The following DIP2C variants were observed in gnomAD, a reference collection of about 807,000 sequenced individuals.
The protein encoded by DIP2C is disco-interacting protein 2 homolog C.
DIP2C carries 33 observed loss-of-function variants against 192.4 expected under a neutral mutation model. That is an observed-to-expected ratio of 0.17 (90% CI 0.13 to 0.23). The LOEUF is 0.23. Among genes scored for constraint, DIP2C ranks in the 10% least tolerant of loss-of-function variants. The pLI is 1.00. For missense variants in DIP2C, 1,537 were observed against 2,110.1 expected, an observed-to-expected ratio of 0.73 and a Z score of 5.32; for synonymous variants, 979 against 864.1, an observed-to-expected ratio of 1.13 and a Z score of -2.33.
At chr10:371,827 T>C (rs543970701) in intron 17 of DIP2C, among the ~76,000 whole-genome samples, 1 of 152,326 alleles carries the variant, frequency 6.6e-6, no homozygotes, top group African/African-American at 2.4e-5. Context: ...CCTCCAGAAG[T>C]GAGACAAGTT....
chr10:292,042 G>T (rs1010242359), intron 32 of DIP2C, among the ~76,000 whole-genome samples: 1 of 152,262 alleles, frequency 6.6e-6, no homozygotes, highest in Non-Finnish European at 1.5e-5. Flanking sequence ...TCTTCCAAGA[G>T]CCATTGTGCC....
intron 1 of DIP2C, chr10:668,778 G>A: frequency 6.6e-6 from 1 of 152,232 alleles, no homozygotes; most frequent in East Asian, 1.9e-4. Context: ...ATCCAAACTG[G>A]TAACATGTCC....
intron 1 of DIP2C, among the ~76,000 whole-genome samples, chr10:606,427 C>T (rs569073646): frequency 2.6e-4 from 39 of 151,900 alleles, no homozygotes; most frequent in African/African-American, 8.9e-4. Flanking sequence ...GATCCGAATT[C>T]TCATTGGTTG....
intron 1 of DIP2C, among the ~76,000 whole-genome samples, chr10:617,726 C>T (rs1190283646): frequency 1.3e-5 from 2 of 151,236 alleles, no homozygotes; most frequent in African/African-American, 4.9e-5. Flanking sequence ...AAACCACCCT[C>T]AAGGGCGCTC....
At chr10:367,162 A>G (rs1960340149) in intron 18 of DIP2C, among the ~76,000 whole-genome samples, 1 of 152,214 alleles carries the variant, frequency 6.6e-6, no homozygotes, top group African/African-American at 2.4e-5. Context: ...TCACGCCTGT[A>G]ATCCCAGTAC....
intron 28 of DIP2C, among the ~76,000 whole-genome samples, chr10:343,123 A>T (rs1229442507): frequency 6.6e-6 from 1 of 152,186 alleles, no homozygotes; most frequent in African/African-American, 2.4e-5. Context: ...CCCCATCTCT[A>T]CTAAACATAC....
intron 1 of DIP2C, among the ~76,000 whole-genome samples, chr10:552,325 A>G (rs1163884525): frequency 6.6e-6 from 1 of 152,274 alleles, no homozygotes; most frequent in Non-Finnish European, 1.5e-5. Context: ...GCAGAGGAAC[A>G]GATCGGTCTA....
chr10:642,638 G>T (rs901280163), intron 1 of DIP2C, among the ~76,000 whole-genome samples: 1 of 152,254 alleles, frequency 6.6e-6, no homozygotes, highest in South Asian at 2.1e-4. Flanking sequence ...GCTGAAGGGC[G>T]TGTGCCACGG....
At chr10:535,128 T>C (rs888551317) in intron 1 of DIP2C, among the ~76,000 whole-genome samples, 3 of 152,112 alleles carry the variant, frequency 2.0e-5, no homozygotes, top group Admixed American at 2.0e-4. Flanking sequence ...TGCAGGATGC[T>C]GGATCAGAGC....
chr10:394,528 G>A (rs1963801380), intron 10 of DIP2C, among the ~76,000 whole-genome samples: 1 of 151,626 alleles, frequency 6.6e-6, no homozygotes, highest in Non-Finnish European at 1.5e-5. Context: ...CCTTCAGGGA[G>A]GAGGGAAGCC....
At chr10:596,976 C>T (rs1026132182) in intron 1 of DIP2C, among the ~76,000 whole-genome samples, 1 of 152,250 alleles carries the variant, frequency 6.6e-6, no homozygotes, top group Non-Finnish European at 1.5e-5. Context: ...GAGTGGGCCC[C>T]GGGGTGCCCA....
chr10:430,123 ATT>A (rs1290013442), intron 4 of DIP2C: 1 of 152,090 alleles, frequency 6.6e-6, no homozygotes, highest in African/African-American at 2.4e-5. Context: ...TTCAATCTGC[ATT>A]TCTCTATGAC....
At chr10:370,485 C>G (rs765413282) in intron 17 of DIP2C, among the ~76,000 whole-genome samples, 1 of 152,220 alleles carries the variant, frequency 6.6e-6, no homozygotes, top group East Asian at 1.9e-4. Flanking sequence ...GCCCACCCCA[C>G]AGCACACACC....
chr10:594,626 C>T (rs1851597410), intron 1 of DIP2C, among the ~76,000 whole-genome samples: 1 of 151,754 alleles, frequency 6.6e-6, no homozygotes, highest in African/African-American at 2.4e-5. Context: ...CGTAAGGGAA[C>T]TGGAGGGCAC....
At chr10:575,300 A>T (rs1850082426) in intron 1 of DIP2C, among the ~76,000 whole-genome samples, 1 of 152,234 alleles carries the variant, frequency 6.6e-6, no homozygotes, top group Non-Finnish European at 1.5e-5. Context: ...GATTGCTTTT[A>T]TAAAAAGTAA....
chr10:468,203 G>A (rs996965131), intron 3 of DIP2C, among the ~76,000 whole-genome samples: 1 of 152,124 alleles, frequency 6.6e-6, no homozygotes, highest in African/African-American at 2.4e-5. Context: ...AAAACCACGT[G>A]AGCATATACT....
intron 31 of DIP2C, among the ~76,000 whole-genome samples, chr10:316,936 T>A (rs1956800618): frequency 6.6e-6 from 1 of 152,232 alleles, no homozygotes; most frequent in Admixed American, 6.5e-5. Flanking sequence ...GAAATGTAAT[T>A]CATCTACATT....
At chr10:518,073 T>C (rs1846475513) in intron 1 of DIP2C, among the ~76,000 whole-genome samples, 1 of 152,192 alleles carries the variant, frequency 6.6e-6, no homozygotes, top group Non-Finnish European at 1.5e-5. Flanking sequence ...CACCCCGATA[T>C]CACCAGCCTG....
chr10:576,484 G>C (rs932425735), intron 1 of DIP2C, among the ~76,000 whole-genome samples: 1 of 152,208 alleles, frequency 6.6e-6, no homozygotes, highest in African/African-American at 2.4e-5. Flanking sequence ...CAGAAACAAT[G>C]CCCACCTCAC....
Sources: allele counts gnomAD v4.1 joint callset (sites outside exome capture counted in the v4.1 genomes callset), GRCh38; gene constraint gnomAD v4.1.1; transcripts MANE v1.5; gene names NCBI Gene and HGNC (gene_info 2026-07-23, HGNC 2026-07-21).